The following VCF1 variants were observed in gnomAD, a reference collection of about 807,000 sequenced individuals.
VCF1 encodes protein VCF1.
chr17:73,209,736 G>T, the VCF1 span: 1 of 1,543,378 alleles, frequency 6.5e-7, no homozygotes. Context: ...TGCTGCTGCT[G>T]CTGCTGCTCC....
chr17:73,208,235 G>A, the VCF1 span: 107 of 1,607,142 alleles, frequency 6.7e-5, no homozygotes, highest in African/African-American at 1.1e-4. Flanking sequence ...TGTGGACTCC[G>A]AGTGGCGTCG....
At chr17:73,218,565 A>G in the VCF1 span, among the ~76,000 whole-genome samples, 8 of 152,374 alleles carry the variant, frequency 5.3e-5, no homozygotes, top group Admixed American at 3.9e-4. Flanking sequence ...TCAGTACTTA[A>G]TAACAGATTT....
At chr17:73,223,037 G>A in the VCF1 span, among the ~76,000 whole-genome samples, 2 of 152,068 alleles carry the variant, frequency 1.3e-5, no homozygotes, top group Non-Finnish European at 2.9e-5. Flanking sequence ...ACTAAAACAG[G>A]CTGGGCACGG....
At chr17:73,209,764 G>A in the VCF1 span, 2 of 1,541,004 alleles carry the variant, frequency 1.3e-6, no homozygotes, top group Non-Finnish European at 1.7e-6. Context: ...GTCACTGCCT[G>A]AAGACTGGAA....
At chr17:73,208,362 T>C in the VCF1 span, 30 of 1,614,068 alleles carry the variant, frequency 1.9e-5, no homozygotes, top group South Asian at 3.3e-4. Flanking sequence ...AGTTCCTGGC[T>C]CCTTGTTCAG....
the VCF1 span, among the ~76,000 whole-genome samples, chr17:73,227,446 A>G: frequency 6.6e-6 from 1 of 152,252 alleles, no homozygotes; most frequent in South Asian, 2.1e-4. Context: ...TAAGAGCAAA[A>G]ATACAAGACA....
chr17:73,225,917 T>C, the VCF1 span, among the ~76,000 whole-genome samples: 28 of 124,258 alleles, frequency 2.3e-4, no homozygotes, highest in South Asian at 9.9e-4. Flanking sequence ...TTTTTTTTTT[T>C]CTGAAACGGA....
At chr17:73,225,030 G>GACAGGACAGGACCACACAGC in the VCF1 span, among the ~76,000 whole-genome samples, 5 of 125,180 alleles carry the variant, frequency 4.0e-5, no homozygotes, top group Admixed American at 8.0e-5. Context: ...GACAGGACAG[G>GACAGGACAGGACCACACAGC]ACAGCACAGG....
At chr17:73,209,851 A>G in the VCF1 span, 3 of 1,508,192 alleles carry the variant, frequency 2.0e-6, no homozygotes, top group Non-Finnish European at 1.8e-6. Flanking sequence ...ACAGCGCTCT[A>G]TTAAGAGTAC....
At chr17:73,209,622 G>A in the VCF1 span, 11 of 1,567,100 alleles carry the variant, frequency 7.0e-6, no homozygotes, top group South Asian at 1.2e-5. Context: ...GGCACAGCGC[G>A]GACTGCTCGG....
chr17:73,229,824 C>T, the VCF1 span, among the ~76,000 whole-genome samples: 5 of 121,130 alleles, frequency 4.1e-5, no homozygotes, highest in Non-Finnish European at 6.4e-5. Flanking sequence ...GCCGAGATCG[C>T]ACCACTGCAC....
chr17:73,212,214 T>G, the VCF1 span, among the ~76,000 whole-genome samples: 1 of 152,262 alleles, frequency 6.6e-6, no homozygotes, highest in Admixed American at 6.5e-5. Flanking sequence ...AAAGTGATTC[T>G]TAAAATCCTA....
chr17:73,221,689 G>T, the VCF1 span, among the ~76,000 whole-genome samples: 4 of 152,086 alleles, frequency 2.6e-5, no homozygotes, highest in Non-Finnish European at 5.9e-5. Context: ...AGGAGTTCAA[G>T]ATCAGCCTGG....
At chr17:73,224,885 CACAGGACAGGACAGGACAGGACAGG>C in the VCF1 span, among the ~76,000 whole-genome samples, 1 of 125,192 alleles carries the variant, frequency 8.0e-6, no homozygotes, top group Admixed American at 7.9e-5. Flanking sequence ...GACAGCACAG[CACAGGACAGGACAGGACAGGACAGG>C]ACAGGACAGG....
At chr17:73,226,335 A>G in the VCF1 span, among the ~76,000 whole-genome samples, 1 of 152,218 alleles carries the variant, frequency 6.6e-6, no homozygotes, top group Admixed American at 6.5e-5. Context: ...CCCTTGGGGG[A>G]GTTACTTTGA....
chr17:73,209,505 A>C, the VCF1 span: 1 of 1,566,782 alleles, frequency 6.4e-7, no homozygotes, highest in Non-Finnish European at 8.7e-7. Flanking sequence ...GTCCCTTCAC[A>C]GAAGGCAAGA....
chr17:73,220,713 G>A, the VCF1 span, among the ~76,000 whole-genome samples: 4 of 150,908 alleles, frequency 2.7e-5, no homozygotes, highest in South Asian at 8.3e-4. Flanking sequence ...CCAAAGTGCT[G>A]GGATTATAGA....
the VCF1 span, chr17:73,209,453 T>TAAAACAAGTTGTAAGTTG: frequency 6.7e-7 from 1 of 1,503,340 alleles, no homozygotes; most frequent in Non-Finnish European, 8.9e-7. Context: ...ATTTTTCTTT[T>TAAAACAAGTTGTAAGTTG]AAAACAAGTT....
At chr17:73,211,957 G>C in the VCF1 span, among the ~76,000 whole-genome samples, 2 of 152,164 alleles carry the variant, frequency 1.3e-5, no homozygotes, top group Non-Finnish European at 2.9e-5. Context: ...CTTGAACCTC[G>C]GAGGTCGAGG....
Sources: gnomAD v4.1 joint callset for allele counts (sites outside exome capture counted in the v4.1 genomes callset) on GRCh38, gnomAD v4.1.1 for gene constraint, MANE v1.5 for transcripts, NCBI Gene and HGNC (gene_info 2026-07-23, HGNC 2026-07-21) for gene names.